MAP2K1: variants seen among roughly 807,000 people sequenced by gnomAD.
The protein encoded by MAP2K1 is mitogen-activated protein kinase kinase 1, also known as dual specificity mitogen-activated protein kinase kinase 1.
Under a neutral mutation model 46.3 loss-of-function variants are expected in MAP2K1, and 16 were observed. The observed-to-expected ratio is 0.35, with a 90% confidence interval of 0.23 to 0.52. The LOEUF (loss-of-function observed/expected upper bound fraction) is 0.52, where lower values mean the gene tolerates loss of function less well. Among genes scored for constraint, MAP2K1 ranks in the 20% least tolerant of loss-of-function variants. The pLI, the probability that MAP2K1 is intolerant of heterozygous loss-of-function variation, is 0.94. For missense variants in MAP2K1, 263 were observed against 497.1 expected, an observed-to-expected ratio of 0.53 and a Z score of 4.48; for synonymous variants, 183 against 185.6, an observed-to-expected ratio of 0.99 and a Z score of 0.11.
At chr15:66,476,395 A>G (rs569050938) in intron 5 of MAP2K1, among the ~76,000 whole-genome samples, 1 of 152,372 alleles carries the variant, frequency 6.6e-6, no homozygotes, top group East Asian at 1.9e-4. Flanking sequence ...GAGGAAGCCC[A>G]GTTAATCCTC....
chr15:66,486,572 C>T (rs577989525), intron 7 of MAP2K1, among the ~76,000 whole-genome samples: 1 of 152,310 alleles, frequency 6.6e-6, no homozygotes, highest in African/African-American at 2.4e-5. Context: ...AAGTCTGACT[C>T]CCAAGATGAT....
chr15:66,443,082 ATTTTTTTTTTTTT>A (rs398027713), intron 3 of MAP2K1, among the ~76,000 whole-genome samples, 185 bp from the exon 4 acceptor site: 3 of 91,064 alleles, frequency 3.3e-5, no homozygotes, highest in African/African-American at 1.4e-4. Flanking sequence ...TTGTGTGTGT[ATTTTTTTTTTTTT>A]TTTTTTTTTT....
chr15:66,472,811 G>A (rs1389005634), intron 5 of MAP2K1, among the ~76,000 whole-genome samples: 1 of 152,150 alleles, frequency 6.6e-6, no homozygotes, highest in African/African-American at 2.4e-5. Flanking sequence ...TGTGACCCAG[G>A]CACAAATGGG....
intron 4 of MAP2K1, among the ~76,000 whole-genome samples, chr15:66,444,258 G>A (rs1187574070): frequency 6.6e-6 from 1 of 150,596 alleles, no homozygotes; most frequent in African/African-American, 2.4e-5. Flanking sequence ...AAAAGCCCAG[G>A]CACGGTGGCT....
chr15:66,459,042 C>T (rs1340153560), intron 5 of MAP2K1, among the ~76,000 whole-genome samples: 3 of 152,152 alleles, frequency 2.0e-5, no homozygotes, highest in Non-Finnish European at 2.9e-5. Flanking sequence ...GGGCCGGGCA[C>T]AGTGGCTCAT....
intron 6 of MAP2K1, among the ~76,000 whole-genome samples, chr15:66,483,681 C>T (rs1390700149): frequency 6.6e-6 from 1 of 151,318 alleles, no homozygotes; most frequent in African/African-American, 2.4e-5. Flanking sequence ...CTTTTTTTCT[C>T]TTTGGCTTTT....
intron 1 of MAP2K1, among the ~76,000 whole-genome samples, chr15:66,420,912 CACAT>C (rs200327595): frequency 0.21 from 27,854 of 129,998 alleles, 3,950 homozygotes; most frequent in East Asian, 0.39. Flanking sequence ...TACATACACA[CACAT>C]ACATACATAT....
At chr15:66,443,082 A>ATT (rs398027713) in intron 3 of MAP2K1, among the ~76,000 whole-genome samples, 198 bp from the exon 4 acceptor site, 24,236 of 91,046 alleles carry the variant, frequency 0.27, 5,506 homozygotes, top group South Asian at 0.32. Context: ...TTGTGTGTGT[A>ATT]TTTTTTTTTT....
chr15:66,391,184 G>A (rs1308563004), intron 1 of MAP2K1, among the ~76,000 whole-genome samples: 1 of 151,820 alleles, frequency 6.6e-6, no homozygotes, highest in East Asian at 1.9e-4. Context: ...GTACTACTGT[G>A]CCTGGCGCTC....
At chr15:66,430,196 C>T (rs570368713) in intron 1 of MAP2K1, among the ~76,000 whole-genome samples, 1 of 152,256 alleles carries the variant, frequency 6.6e-6, no homozygotes, top group African/African-American at 2.4e-5. Context: ...CCTCTCCTTT[C>T]CTCTTTCCCT....
At chr15:66,397,493 A>C (rs773770200) in intron 1 of MAP2K1, among the ~76,000 whole-genome samples, 1 of 152,204 alleles carries the variant, frequency 6.6e-6, no homozygotes, top group East Asian at 1.9e-4. Context: ...AAAGCACTTT[A>C]TGATCACTGG....
intron 5 of MAP2K1, among the ~76,000 whole-genome samples, chr15:66,452,672 A>G (rs1399983811): frequency 6.6e-6 from 1 of 152,172 alleles, no homozygotes; most frequent in African/African-American, 2.4e-5. Context: ...TCATCTGTGA[A>G]GTGGAGTCCG....
chr15:66,457,727 C>A (rs113078024), intron 5 of MAP2K1, among the ~76,000 whole-genome samples: 2,442 of 152,104 alleles, frequency 0.016, 43 homozygotes, highest in South Asian at 0.066. Flanking sequence ...TTTGGGAGAT[C>A]AAGGCGGGTG....
chr15:66,446,972 A>G (rs1891885078), intron 5 of MAP2K1, among the ~76,000 whole-genome samples: 1 of 152,208 alleles, frequency 6.6e-6, no homozygotes, highest in Admixed American at 6.5e-5. Flanking sequence ...TTTAAAGAAG[A>G]TGAAGCCAGA....
chr15:66,434,072 T>G (rs2093481353), intron 1 of MAP2K1, among the ~76,000 whole-genome samples: 2 of 152,228 alleles, frequency 1.3e-5, no homozygotes, highest in African/African-American at 2.4e-5. Context: ...GTAGCTGGTA[T>G]TGTAGTTAAG....
intron 1 of MAP2K1, among the ~76,000 whole-genome samples, chr15:66,409,053 G>A (rs1362220141): frequency 6.6e-6 from 1 of 152,176 alleles, no homozygotes; most frequent in Non-Finnish European, 1.5e-5. Flanking sequence ...GCACAGGAGG[G>A]TCACAGTGTT....
intron 1 of MAP2K1, among the ~76,000 whole-genome samples, chr15:66,421,695 G>A (rs2093443980): frequency 6.6e-6 from 1 of 151,446 alleles, no homozygotes; most frequent in Non-Finnish European, 1.5e-5. Context: ...AGCTACTTGG[G>A]AGGCTGAGGT....
chr15:66,476,297 G>A (rs1892754142), intron 5 of MAP2K1, among the ~76,000 whole-genome samples: 1 of 152,182 alleles, frequency 6.6e-6, no homozygotes, highest in African/African-American at 2.4e-5. Context: ...ATCAGAAAGA[G>A]AACGCAAGGC....
chr15:66,457,102 A>G (rs747270832), intron 5 of MAP2K1, among the ~76,000 whole-genome samples: 1 of 151,104 alleles, frequency 6.6e-6, no homozygotes, highest in Non-Finnish European at 1.5e-5. Flanking sequence ...TGTAACAATT[A>G]TACAAAATTC....
Sources: gnomAD v4.1 joint callset for allele counts (sites outside exome capture counted in the v4.1 genomes callset) on GRCh38, gnomAD v4.1.1 for gene constraint, MANE v1.5 for transcripts, NCBI Gene and HGNC (gene_info 2026-07-23, HGNC 2026-07-21) for gene names.